SNTG1: variants seen among roughly 807,000 people sequenced by gnomAD.
SNTG1 encodes the protein gamma-1-syntrophin.
SNTG1 carries 39 observed loss-of-function variants against 74.7 expected under a neutral mutation model. That is an observed-to-expected ratio of 0.52 (90% CI 0.40 to 0.68). The LOEUF (loss-of-function observed/expected upper bound fraction) is 0.68, where lower values mean the gene tolerates loss of function less well. Among genes scored for constraint, SNTG1 ranks in the 30% least tolerant of loss-of-function variants. The pLI, the probability that SNTG1 is intolerant of heterozygous loss-of-function variation, is 0.00. For missense variants in SNTG1, 685 were observed against 609.5 expected (o/e 1.12, Z -1.30); for synonymous variants, 254 against 217.1 (o/e 1.17, Z -1.49).
chr8:50,340,448 A>C (rs1181084165), intron 2 of SNTG1, among the ~76,000 whole-genome samples: 1 of 152,068 alleles, frequency 6.6e-6, no homozygotes, highest in East Asian at 1.9e-4. Context: ...ATCTTGACAA[A>C]GGAGCAAAGA....
intron 2 of SNTG1, among the ~76,000 whole-genome samples, chr8:50,316,263 A>C (rs1310873587): frequency 1.3e-5 from 2 of 152,008 alleles, no homozygotes; most frequent in Non-Finnish European, 2.9e-5. Context: ...CATTTGTTAG[A>C]AAAAAAAGTT....
At chr8:50,039,127 T>G (rs1818404856) in intron 1 of SNTG1, among the ~76,000 whole-genome samples, 1 of 152,068 alleles carries the variant, frequency 6.6e-6, no homozygotes, top group Non-Finnish European at 1.5e-5. Flanking sequence ...CACCTGGGTG[T>G]GATGATTGTA....
intron 18 of SNTG1, chr8:50,762,905 C>A (rs1295245298): frequency 1.1e-5 from 3 of 281,680 alleles, no homozygotes; most frequent in Non-Finnish European, 2.1e-5. Context: ...CTCCTACCAG[C>A]AGCATTGGGG....
chr8:50,745,569 G>T (rs2095553236), intron 17 of SNTG1, among the ~76,000 whole-genome samples: 1 of 151,976 alleles, frequency 6.6e-6, no homozygotes, highest in Non-Finnish European at 1.5e-5. Context: ...ATACACCAAA[G>T]AATTGAAAGC....
chr8:50,494,059 T>A (rs1310974371), intron 8 of SNTG1, among the ~76,000 whole-genome samples: 6 of 151,594 alleles, frequency 4.0e-5, no homozygotes. Context: ...TGCTGCTCAA[T>A]TTGACCAAAC....
At chr8:50,398,903 C>T (rs2092764838) in intron 3 of SNTG1, among the ~76,000 whole-genome samples, 1 of 152,084 alleles carries the variant, frequency 6.6e-6, no homozygotes, top group Non-Finnish European at 1.5e-5. Context: ...GCACTCCAGC[C>T]TGGGGCAACA....
rs562751641 is a variant in SNTG1, at chr8:49,966,996, A to G, written c.-103+54765A>G. Among the ~76,000 whole-genome samples the G allele has an allele frequency of 6.4e-4, 97 of 152,232 alleles. 1 individual carries two copies. The highest frequency in any genetic ancestry group is 2.1e-3 in the African/African-American group (88 of 41,500). On this transcript the variant is annotated intron_variant, in intron 1 of 18. Coordinates refer to ENST00000642720, the MANE Select transcript of SNTG1 (RefSeq NM_018967.5). ...TCAATAATCTATAAACAATGTCAAG[A>G]AAATATTTTTGTGCTTTCTTTACTA...
chr8:50,715,673 T>C (rs2095473353), intron 17 of SNTG1, among the ~76,000 whole-genome samples: 2 of 152,182 alleles, frequency 1.3e-5, no homozygotes. Context: ...ATTAAAAGCA[T>C]TGTTATGGAG....
chr8:50,343,327 C>A (rs1365725994), intron 2 of SNTG1, among the ~76,000 whole-genome samples: 1 of 152,098 alleles, frequency 6.6e-6, no homozygotes, highest in African/African-American at 2.4e-5. Flanking sequence ...ACGTTTATAT[C>A]CTTACCATTA....
At chr8:50,771,853 C>T (rs1411828298) in intron 18 of SNTG1, among the ~76,000 whole-genome samples, 4 of 152,022 alleles carry the variant, frequency 2.6e-5, no homozygotes, top group African/African-American at 9.7e-5. Context: ...AAGTAAGGCT[C>T]AAGACTCTGC....
intron 1 of SNTG1, among the ~76,000 whole-genome samples, chr8:50,018,734 T>C (rs983998620): frequency 6.6e-6 from 1 of 152,014 alleles, no homozygotes; most frequent in Non-Finnish European, 1.5e-5. Flanking sequence ...TAATACATCA[T>C]ATATATGGAT....
At chr8:50,762,910 T>C (rs984922382) in intron 18 of SNTG1, 7 of 276,750 alleles carry the variant, frequency 2.5e-5, no homozygotes, top group South Asian at 1.0e-4. Context: ...ACCAGCAGCA[T>C]TGGGGATTTT....
At chr8:50,489,504 A>T (rs1247739969) in intron 8 of SNTG1, among the ~76,000 whole-genome samples, 1 of 152,120 alleles carries the variant, frequency 6.6e-6, no homozygotes, top group African/African-American at 2.4e-5. Flanking sequence ...TGTGGTTTTG[A>T]TTTGCATTTC....
At chr8:50,624,359 A>G (rs554637807) in intron 13 of SNTG1, among the ~76,000 whole-genome samples, 2 of 152,056 alleles carry the variant, frequency 1.3e-5, no homozygotes, top group South Asian at 4.1e-4. Flanking sequence ...AATAGCAAGT[A>G]GCTTTTTATA....
intron 1 of SNTG1, among the ~76,000 whole-genome samples, chr8:50,113,327 G>A (rs991690580): frequency 4.2e-4 from 64 of 152,268 alleles, no homozygotes; most frequent in African/African-American, 1.5e-3. Flanking sequence ...TCCCTTGTAA[G>A]TTGGATTCCT....
At chr8:49,992,737 G>A (rs1273944333) in intron 1 of SNTG1, among the ~76,000 whole-genome samples, 1 of 152,192 alleles carries the variant, frequency 6.6e-6, no homozygotes, top group African/African-American at 2.4e-5. Flanking sequence ...ATGGGTGGAA[G>A]TGGGTTTTAT....
At chr8:50,736,050 C>A (rs1024475101) in intron 17 of SNTG1, among the ~76,000 whole-genome samples, 8 of 151,922 alleles carry the variant, frequency 5.3e-5, no homozygotes, top group Non-Finnish European at 1.0e-4. Flanking sequence ...GAAATAAAAT[C>A]TTTTACAAAC....
chr8:50,792,633 T>G, intron 18 of SNTG1, 38 bp from the exon 19 acceptor site: 3 of 1,557,980 alleles, frequency 1.9e-6, no homozygotes, highest in Non-Finnish European at 2.6e-6. Flanking sequence ...AAGACATTAA[T>G]TTTTATGTTA....
intron 1 of SNTG1, among the ~76,000 whole-genome samples, chr8:50,087,434 T>C (rs1049118246): frequency 1.3e-5 from 2 of 152,174 alleles, no homozygotes; most frequent in Non-Finnish European, 2.9e-5. Context: ...TAAATATTTG[T>C]TTCAATAATG....
Sources: allele counts gnomAD v4.1 joint callset (sites outside exome capture counted in the v4.1 genomes callset), GRCh38; gene constraint gnomAD v4.1.1; transcripts MANE v1.5; gene names NCBI Gene and HGNC (gene_info 2026-07-23, HGNC 2026-07-21).